The following MBD6 variants were observed in gnomAD, a reference collection of about 807,000 sequenced individuals.
MBD6 encodes the protein methyl-CpG binding domain protein 6.
MBD6 carries 22 observed loss-of-function variants against 66.8 expected under a neutral mutation model. The observed-to-expected ratio is 0.33, with a 90% CI of 0.24 to 0.47. MBD6 has a LOEUF of 0.47. Among genes scored for constraint, MBD6 ranks in the 20% least tolerant of loss-of-function variants. MBD6 has a pLI of 1.00. For missense variants in MBD6, 1,322 were observed against 1,286.9 expected (o/e 1.03, Z -0.42); for synonymous variants, 540 against 534.6 (o/e 1.01, Z -0.14).
At chr12:57,524,491 G>C in intron 3 of MBD6, 75 bp downstream of exon 3, 1 of 1,347,630 alleles carries the variant, frequency 7.4e-7, no homozygotes, top group Non-Finnish European at 1.0e-6. Flanking sequence ...TCTTCTCTCA[G>C]CTCAGCTCTC....
Position 57,525,888 on chromosome 12 carries a change from C to A in MBD6, c.920C>A (p.Ala307Asp). Residue 307 changes from alanine to aspartate, a missense_variant, in exon 6 of 13, where the codon GCC (alanine) becomes GAC (aspartate). Transcript: ENST00000355673. ...LPLVLGPLGG[A>D]PTVEGPGAPP... ...CTGGTCCTGGGGCCCCTGGGAGGGG[C>A]CCCCACGGTGGAGGGGCCTGGGGCA... is the stretch of plus-strand genomic sequence containing the variant. The A allele has an allele frequency of 6.2e-7, 1 of 1,610,534 alleles. No homozygotes were observed. The highest frequency in any genetic ancestry group is 8.5e-7 in the Non-Finnish European group (1 of 1,178,668).
At position 57,527,805 on chromosome 12, in the gene MBD6, T is replaced by C. The variant is rs760196028; in HGVS notation, c.2237-43T>C. On this transcript the variant is annotated intron_variant, in intron 8 of 12. Coordinates refer to ENST00000355673, the MANE Select transcript of MBD6 (RefSeq NM_052897.4). ...GAATAGTAGGTCTGCTCAGCCTAAT[T>C]GGTTTGCCTAGGGAGAGACCCCTGA... 1.5e-5 allele frequency: 24 copies of C among 1,601,672 alleles called. No individual in the cohort carries two copies. The East Asian group carries it at 5.1e-4, about 34-fold the overall frequency.
downstream of MBD6, chr12:57,530,537 G>T: frequency 1.6e-6 from 1 of 630,210 alleles, no homozygotes; most frequent in East Asian, 2.8e-5. Flanking sequence ...ATCAGGGGAG[G>T]GGTATAAACC....
At position 57,529,472 on chromosome 12, in the gene MBD6, G is replaced by C. The variant is rs1050259664; in HGVS notation, c.*238G>C. ...GAAGCCATGTCACTGAAAAGGCCTG[G>C]GGGGGATGGTATATGGCCCTTTCCC... is the stretch of plus-strand genomic sequence containing the variant. On this transcript the variant is annotated 3_prime_UTR_variant, in exon 13 of 13. Coordinates refer to ENST00000355673, the MANE Select transcript of MBD6 (RefSeq NM_052897.4). The C allele has an allele frequency of 5.6e-6, 3 of 531,960 alleles. No homozygotes were observed. Among genetic ancestry groups the C allele is most frequent in the Admixed American group, 6.8e-5 (2 of 29,246 alleles). The allele number at this position is 531,960 out of a possible 1,614,324, so 33.0% of individuals were successfully genotyped here.
Position 57,528,263 on chromosome 12 carries a change from C to G in MBD6, c.2523C>G (p.Pro841=), listed in dbSNP as rs367593369. ...LSALAPPHGS[P]DPPVPELLTG... ...CCTTAGCCCCACCCCATGGTTCTCC[C>G]GACCCCCCAGTCCCTGAGCTGCTCA... Residue 841 remains proline, a synonymous_variant, in exon 10 of 13, where the codon CCC becomes CCG. Coordinates refer to ENST00000355673, the MANE Select transcript of MBD6 (RefSeq NM_052897.4). 5 of 1,604,390 alleles carry G rather than the reference C, an allele frequency of 3.1e-6. No homozygotes were observed. Among genetic ancestry groups the G allele is most frequent in the Middle Eastern group, 1.7e-4 (1 of 5,968 alleles).
chr12:57,526,862 CCT>C lies in MBD6; in HGVS notation c.1718_1719del (p.Pro573ArgfsTer20), dbSNP rs1565666671. ...VLTGGGGQPPPEPLLPPPGGP... is the reference protein window; with the variant it reads ...VLTGGGGQPPXEPLLPPPGGP... ...GACTGGGGGAGGAGGACAACCTCCC[CCT>C]GAGCCCCTGCTACCCCCACCAGGAG... is the stretch of plus-strand genomic sequence containing the variant. On this transcript the variant is annotated frameshift_variant, in exon 7 of 13. Coordinates refer to ENST00000355673, the MANE Select transcript of MBD6 (RefSeq NM_052897.4). LOFTEE classifies it high-confidence loss of function. The C allele has an allele frequency of 6.2e-7, 1 of 1,613,544 alleles. No individual in the cohort carries two copies. Among genetic ancestry groups the C allele is most frequent in the Non-Finnish European group, 8.5e-7 (1 of 1,179,814 alleles).
In MBD6 at chr12:57,528,747, C is replaced by G. The variant is rs1443025191; in HGVS notation, c.2873+29C>G. ...AGTGTTGGGCCTACTATAGTGCTGG[C>G]CTTTGCCTACTTCTTTTTGGTTTGG... On this transcript the variant is annotated intron_variant, in intron 11 of 12. Transcript: ENST00000355673. 1.9e-6 allele frequency: 3 copies of G among 1,613,590 alleles called. No homozygotes were observed. In the Admixed American group the frequency reaches 5.0e-5, roughly 27 times the overall value.
Position 57,528,179 on chromosome 12 carries a change from AC to A in MBD6, c.2445del (p.Glu816ArgfsTer19). The A allele has an allele frequency of 2.5e-6, 4 of 1,606,130 alleles. No homozygotes were observed. Among genetic ancestry groups the A allele is most frequent in the Admixed American group, 1.7e-5 (1 of 57,880 alleles). ...PPEQPEAPCL[P>X]PESPASALEP... ...CAGAGCAGCCAGAAGCCCCCTGTCT[AC>A]CCCCCGAGAGCCCTGCCTCAGCCCT... On this transcript the variant is annotated frameshift_variant, in exon 10 of 13. Transcript: ENST00000355673. LOFTEE classifies it high-confidence loss of function.
chr12:57,525,935 C>A lies in MBD6; in HGVS notation c.967C>A (p.Leu323Ile). The A allele has an allele frequency of 6.2e-7, 1 of 1,613,474 alleles. No individual in the cohort carries two copies. Among genetic ancestry groups the A allele is most frequent in the East Asian group, 2.2e-5 (1 of 44,824 alleles). ...GGCACCCCCCTTCCTTGCTAGCAGCCTACTCTCTGCAGCGGCCAAGGCACA... is the reference window on the plus strand; with the variant it reads ...GGCACCCCCCTTCCTTGCTAGCAGCATACTCTCTGCAGCGGCCAAGGCACA... ...PGAPPFLASS[L>I]LSAAAKAQHP... Residue 323 changes from leucine to isoleucine, a missense_variant, in exon 6 of 13, where the codon CTA becomes ATA. Coordinates refer to ENST00000355673, the MANE Select transcript of MBD6 (RefSeq NM_052897.4).
chr12:57,524,683 A>C (rs1878724139), intron 3 of MBD6, 37 bp from the exon 4 acceptor site: 5 of 1,593,778 alleles, frequency 3.1e-6, no homozygotes, highest in Admixed American at 1.7e-5. Flanking sequence ...ATTCGCTGCC[A>C]GCTAACCCCA....
rs1293549551 is a variant in MBD6 at position 57,525,649 on chromosome 12, C to T, written c.681C>T (p.Tyr227=). Residue 227 remains tyrosine, a synonymous_variant, in exon 6 of 13, where the codon TAC becomes TAT. Transcript: ENST00000355673. The part of the protein sequence containing the change: ...PPAISLNAPS[Y]NWGAALRSSL... ...CTATCAGCCTCAATGCTCCCTCATACAACTGGGGAGCTGCCCTCAGATCCA... is the reference window on the plus strand; with the variant it reads ...CTATCAGCCTCAATGCTCCCTCATATAACTGGGGAGCTGCCCTCAGATCCA... 6.2e-7 allele frequency: 1 copy of T among 1,613,940 alleles called. No homozygotes were observed. The highest frequency in any genetic ancestry group is 8.5e-7 in the Non-Finnish European group (1 of 1,179,916).
At chr12:57,520,755 A>T (rs141463529), upstream of MBD6, 235 of 132,860 alleles carry the variant, frequency 1.8e-3, 10 homozygotes, top group East Asian at 0.042. Flanking sequence ...TGGGTGAGTC[A>T]TGCGCGCGCG....
chr12:57,528,170 C>A lies in MBD6; in HGVS notation c.2430C>A (p.Ala810=). 2 of 1,606,232 alleles carry A rather than the reference C, an allele frequency of 1.2e-6. No individual in the cohort carries two copies. Among genetic ancestry groups the A allele is most frequent in the Non-Finnish European group, 1.7e-6 (2 of 1,177,620 alleles). The change falls in exon 10 of 13, where the codon GCC becomes GCA. Residue 810 remains alanine, a synonymous_variant. Coordinates refer to ENST00000355673, the MANE Select transcript of MBD6 (RefSeq NM_052897.4). ...AGATCCCTCCAGAGCAGCCAGAAGC[C>A]CCCTGTCTACCCCCCGAGAGCCCTG... ...SLQIPPEQPE[A]PCLPPESPAS... is the part of the protein sequence containing the mutation.
upstream of MBD6, among the ~76,000 whole-genome samples, chr12:57,522,474 T>A (rs369578347): frequency 1.3e-5 from 2 of 151,976 alleles, no homozygotes; most frequent in African/African-American, 4.8e-5. Flanking sequence ...CGCAACAGAC[T>A]GTGGCTTTGG....
Position 57,527,182 on chromosome 12 carries a change from G to A in MBD6, c.2037G>A (p.Ala679=), listed in dbSNP as rs768413747. The A allele has an allele frequency of 1.3e-5, 19 of 1,517,468 alleles. No homozygotes were observed. The highest frequency in any genetic ancestry group is 4.2e-5 in the African/African-American group (3 of 71,006). 94.0% of individuals were successfully genotyped at this position (1,517,468 alleles called of 1,614,324 possible). The stretch of plus-strand genomic sequence containing the variant: ...CTACCCTCATAGCTTTAAATTCTGC[G>A]CTGCTGGCTGCCACCCTGGATCCCC... ...APPTLIALNS[A]LLAATLDPPS... Residue 679 remains alanine (A), a synonymous_variant, in exon 7 of 13, where the codon GCG becomes GCA. Coordinates refer to ENST00000355673, the MANE Select transcript of MBD6 (RefSeq NM_052897.4).
In MBD6 at chr12:57,524,938, C is replaced by G. The variant is rs1210163580; in HGVS notation, c.217-15C>G. The G allele has an allele frequency of 6.3e-7, 1 of 1,599,968 alleles. No homozygotes were observed. Among genetic ancestry groups the G allele is most frequent in the Non-Finnish European group, 8.5e-7 (1 of 1,170,836 alleles). On this transcript the variant is annotated splice_polypyrimidine_tract_variant and intron_variant, in intron 4 of 12. Transcript: ENST00000355673. ...CAGCCCCTCAGGGTCCCTGTCCTTG[C>G]TTTCCACCTTACAGGTTTTCAACTT... is the stretch of plus-strand genomic sequence containing the variant.
Position 57,529,306 on chromosome 12 carries a change from G to A in MBD6, c.*72G>A. 1 of 1,514,404 alleles carries A rather than the reference G, an allele frequency of 6.6e-7. No individual in the cohort carries two copies. Among genetic ancestry groups the A allele is most frequent in the African/African-American group, 1.4e-5 (1 of 73,034 alleles). The allele number at this position is 1,514,404 out of a possible 1,614,324, so 93.8% of individuals were successfully genotyped here. A position where few individuals can be genotyped will look rare whatever the true frequency, so the allele number is the denominator to read the frequency against. ...TGCTGAGCCTTGGGAGCCCCTGCCAGCCACCTGCACCTGTGGACAGTGGGT... is the reference window on the plus strand; with the variant it reads ...TGCTGAGCCTTGGGAGCCCCTGCCAACCACCTGCACCTGTGGACAGTGGGT... On this transcript the variant is annotated 3_prime_UTR_variant, in exon 13 of 13. Coordinates refer to ENST00000355673, the MANE Select transcript of MBD6 (RefSeq NM_052897.4).
chr12:57,528,189 A>G lies in MBD6; in HGVS notation c.2449A>G (p.Ser817Gly). Residue 817 changes from serine to glycine, a missense_variant, in exon 10 of 13, where the codon AGC becomes GGC. Transcript: ENST00000355673. ...AGAAGCCCCCTGTCTACCCCCCGAG[A>G]GCCCTGCCTCAGCCCTCGAACCAGA... ...QPEAPCLPPESPASALEPEPA... is the reference protein window; with the variant it reads ...QPEAPCLPPEGPASALEPEPA... 1 of 1,610,960 alleles carries G rather than the reference A, an allele frequency of 6.2e-7. No homozygotes were observed. The highest frequency in any genetic ancestry group is 8.5e-7 in the Non-Finnish European group (1 of 1,179,052).
At position 57,528,707 on chromosome 12, in the gene MBD6, G is replaced by C. The variant is rs1879275591; in HGVS notation, c.2862G>C (p.Arg954Ser). Residue 954 changes from arginine (R) to serine (S), a missense_variant, in exon 11 of 13, where the codon AGG becomes AGC. Physicochemically the swap from Arg to Ser is moderately radical, Grantham distance 110. Transcript: ENST00000355673. The stretch of plus-strand genomic sequence containing the variant: ...TCAGAAAGTCTCGTCGTGGCCGTAG[G>C]AGAAAATACAAGTGAGTGTTGGGCC... Reference protein sequence around the residue: ...GVVRKSRRGRRRKYNPTRNSN... With the variant: ...GVVRKSRRGRSRKYNPTRNSN... 3.7e-6 allele frequency: 6 copies of C among 1,614,194 alleles called. No homozygotes were observed. The highest frequency in any genetic ancestry group is 5.1e-6 in the Non-Finnish European group (6 of 1,180,022).
Sources: allele counts gnomAD v4.1 joint callset (sites outside exome capture counted in the v4.1 genomes callset), GRCh38; gene constraint gnomAD v4.1.1; transcripts MANE v1.5; gene names NCBI Gene and HGNC (gene_info 2026-07-23, HGNC 2026-07-21).